SURF6: variants seen among roughly 807,000 people sequenced by gnomAD.
The protein encoded by SURF6 is surfeit 6.
In SURF6, 28 loss-of-function variants were observed where a neutral mutation model predicts 37.5. That is an observed-to-expected ratio of 0.75 (90% CI 0.55 to 1.02). SURF6 has a LOEUF of 1.02. Among genes scored for constraint, SURF6 ranks in the 50% least tolerant of loss-of-function variants. The pLI is 0.00. For synonymous variants in SURF6, 248 were observed against 210.9 expected (o/e 1.18, Z -1.52); for missense variants, 560 against 490.5 (o/e 1.14, Z -1.34).
intron 1 of SURF6, 24 bp downstream of exon 1, chr9:133,336,015 T>TCCCGG: frequency 6.2e-7 from 1 of 1,604,342 alleles, no homozygotes. Context: ...GGCCCCTTAG[T>TCCCGG]CCCGGCCCGG....
In SURF6 at chr9:133,336,177, C is replaced by T. The variant is rs2129935026; in HGVS notation, c.-45G>A. The T allele has an allele frequency of 8.4e-6, 13 of 1,539,604 alleles. No homozygotes were observed. The highest frequency in any genetic ancestry group is 2.3e-5 in the East Asian group (1 of 43,130). On this transcript the variant is annotated 5_prime_UTR_variant, in exon 1 of 5. Coordinates refer to ENST00000372022, the MANE Select transcript of SURF6 (RefSeq NM_006753.6). Reference sequence around the variant, plus strand: ...CACGACTCACACCTTCCCCGCTGCGCGTGCGACTCTCACCACCTCCGCCGG... The same window carrying T: ...CACGACTCACACCTTCCCCGCTGCGTGTGCGACTCTCACCACCTCCGCCGG...
At chr9:133,335,504 G>A (rs1256314226) in intron 1 of SURF6, among the ~76,000 whole-genome samples, 1 of 152,034 alleles carries the variant, frequency 6.6e-6, no homozygotes, top group Non-Finnish European at 1.5e-5. Flanking sequence ...CCTGGGCCCA[G>A]ACAGCACTGA....
At position 133,332,258 on chromosome 9, in the gene SURF6, C is replaced by T. The variant is rs2129916876; in HGVS notation, c.697G>A (p.Gly233Arg). Residue 233 changes from glycine (G) to arginine (R), a missense_variant, in exon 5 of 5, where the codon GGG (glycine) becomes AGG (arginine). Gly to Arg is a moderately radical substitution (Grantham distance 125). Transcript: ENST00000372022. ...RVKGNLTPLT[G>R]RNYRQLLERL... ...TCCAGCAGCTGCCGGTAGTTCCTCC[C>T]GGTCAGCGGCGTGAGGTTCCCCTTC... is the stretch of plus-strand genomic sequence containing the variant. The T allele has an allele frequency of 1.9e-6, 3 of 1,603,632 alleles. No homozygotes were observed. Among genetic ancestry groups the T allele is most frequent in the East Asian group, 4.5e-5 (2 of 44,862 alleles).
Position 133,336,054 on chromosome 9 carries a change from G to A in SURF6, c.79C>T (p.Gln27Ter). 6.2e-7 allele frequency: 1 copy of A among 1,611,772 alleles called. No individual in the cohort carries two copies. The highest frequency in any genetic ancestry group is 8.5e-7 in the Non-Finnish European group (1 of 1,179,782). The change falls in exon 1 of 5, where the codon CAG becomes TAG. Residue 27 changes from glutamine to a stop codon, truncating the protein, a stop_gained. Coordinates refer to ENST00000372022, the MANE Select transcript of SURF6 (RefSeq NM_006753.6). LOFTEE classifies it high-confidence loss of function. ...TGTGCGTTACCCCGCGTGCGCGCCT[G>A]CTGTTCCGGGGCCGAATGGGAGCAG... ...KICSHSAPEQ[Q>*]ARTRAGKTQG...
At chr9:133,333,935 AC>A (rs1835810748) in intron 2 of SURF6, 129 bp from the exon 3 acceptor site, 1 of 728,840 alleles carries the variant, frequency 1.4e-6, no homozygotes. Flanking sequence ...ATTCCACTCC[AC>A]CGCTTCAACC....
intron 3 of SURF6, among the ~76,000 whole-genome samples, chr9:133,333,204 A>G (rs1045425751): frequency 6.6e-6 from 1 of 151,926 alleles, no homozygotes; most frequent in East Asian, 1.9e-4. Context: ...CCCAAACGAG[A>G]CCTGTGCTTC....
rs2129915861 is a variant in SURF6 at position 133,332,173 on chromosome 9, G to A, written c.782C>T (p.Ala261Val). 1.9e-6 allele frequency: 3 copies of A among 1,610,258 alleles called. No individual in the cohort carries two copies. The highest frequency in any genetic ancestry group is 2.2e-5 in the East Asian group (1 of 44,866). The change falls in exon 5 of 5, where the codon GCG (alanine) becomes GTG (valine). Residue 261 changes from alanine to valine, a missense_variant. Ala to Val is a moderately conservative substitution (Grantham distance 64). Transcript: ENST00000372022. Reference sequence around the variant, plus strand: ...CTTCATCTTCGCCTCCAGCTCCTGCGCCTTCCCCTCATCCTGGCCGCGCAG... The same window carrying A: ...CTTCATCTTCGCCTCCAGCTCCTGCACCTTCCCCTCATCCTGGCCGCGCAG... ...DELRGQDEGK[A>V]QELEAKMKWT...
At chr9:133,335,709 CAAA>C (rs11341720) in intron 1 of SURF6, among the ~76,000 whole-genome samples, 8 of 132,096 alleles carry the variant, frequency 6.1e-5, no homozygotes, top group Non-Finnish European at 6.4e-5. Context: ...ACTAAAAATG[CAAA>C]AAAAAAAAAA....
chr9:133,333,915 A>G (rs1412475757), intron 2 of SURF6, 109 bp from the exon 3 acceptor site: 1 of 825,824 alleles, frequency 1.2e-6, no homozygotes, highest in Non-Finnish European at 2.0e-6. Flanking sequence ...CTGCAGGGCA[A>G]TTCCAGTAAA....
Position 133,332,733 on chromosome 9 carries a change from C to A in SURF6, c.421G>T (p.Ala141Ser), listed in dbSNP as rs148876625. 1 of 1,611,238 alleles carries A rather than the reference C, an allele frequency of 6.2e-7. No individual in the cohort carries two copies. Among genetic ancestry groups the A allele is most frequent in the African/African-American group, 1.3e-5 (1 of 74,914 alleles). Residue 141 changes from alanine (A) to serine (S), a missense_variant, in exon 4 of 5, where the codon GCC (alanine) becomes TCC (serine). Ala to Ser is a moderately conservative substitution (Grantham distance 99). Transcript: ENST00000372022. ...QGSAKELSPA[A>S]LEKRRRRKQE... ...TTTCTCCGCCGCCTTTTCTCCAAGG[C>A]GGCAGGGGACAGCTCCTTGGCACTG...
intron 1 of SURF6, among the ~76,000 whole-genome samples, chr9:133,335,753 G>A (rs1835856816): frequency 6.6e-6 from 1 of 151,770 alleles, no homozygotes; most frequent in Admixed American, 6.6e-5. Flanking sequence ...GCGGGCGCCT[G>A]TAGTGCCGGC....
chr9:133,328,976 T>C lies in SURF6; in HGVS notation c.*2893A>G, dbSNP rs2129900940. ...ACTACCAATGCTCGGAGACCGGTAG[T>C]GGCCCCGAATGTCTGGCTGCATTGT... is the stretch of plus-strand genomic sequence containing the variant. On this transcript the variant is annotated 3_prime_UTR_variant, in exon 5 of 5. Transcript: ENST00000372022. 7 of 154,714 alleles carry C rather than the reference T, an allele frequency of 4.5e-5. No individual in the cohort carries two copies. In the South Asian group the frequency reaches 7.1e-4, roughly 16 times the overall value. The allele number at this position is 154,714 out of a possible 1,614,324, so 9.6% of individuals were successfully genotyped here.
chr9:133,331,825 G>C lies in SURF6; in HGVS notation c.*44C>G. ...GCGTCAAGGACTCAGAGGGTGTCCT[G>C]GAGTCTCCTAGGACGGAAGACGGCG... On this transcript the variant is annotated 3_prime_UTR_variant, in exon 5 of 5. Transcript: ENST00000372022. 6.7e-7 allele frequency: 1 copy of C among 1,488,644 alleles called. No individual in the cohort carries two copies. Among genetic ancestry groups the C allele is most frequent in the Non-Finnish European group, 8.9e-7 (1 of 1,129,412 alleles). The allele number at this position is 1,488,644 out of a possible 1,614,324, so 92.2% of individuals were successfully genotyped here.
At position 133,336,174 on chromosome 9, in the gene SURF6, G is replaced by C. The variant is rs2129934976; in HGVS notation, c.-42C>G. The C allele has an allele frequency of 6.4e-7, 1 of 1,553,326 alleles. No homozygotes were observed. The highest frequency in any genetic ancestry group is 1.5e-5 in the African/African-American group (1 of 68,794). On this transcript the variant is annotated 5_prime_UTR_variant, in exon 1 of 5. Coordinates refer to ENST00000372022, the MANE Select transcript of SURF6 (RefSeq NM_006753.6). Reference sequence around the variant, plus strand: ...GTTCACGACTCACACCTTCCCCGCTGCGCGTGCGACTCTCACCACCTCCGC... The same window carrying C: ...GTTCACGACTCACACCTTCCCCGCTCCGCGTGCGACTCTCACCACCTCCGC...
At position 133,332,595 on chromosome 9, in the gene SURF6, C is replaced by G. The variant is rs2129919838; in HGVS notation, c.559G>C (p.Gly187Arg). 10 of 1,610,140 alleles carry G rather than the reference C, an allele frequency of 6.2e-6. No homozygotes were observed. The highest frequency in any genetic ancestry group is 5.5e-5 in the South Asian group (5 of 91,096). Residue 187 changes from glycine to arginine, a missense_variant, in exon 4 of 5, where the codon GGG (glycine) becomes CGG (arginine). Gly to Arg is a moderately radical substitution (Grantham distance 125). Transcript: ENST00000372022. ...AQEVVEATPE[G>R]ACTEPREPPG... ...GGCTCCCGCGGCTCCGTGCAGGCCC[C>G]CTCTGGGGTTGCCTCCACCACCTCC...
intron 1 of SURF6, among the ~76,000 whole-genome samples, chr9:133,335,582 T>C (rs1197535674): frequency 2.0e-5 from 3 of 151,770 alleles, no homozygotes; most frequent in African/African-American, 7.3e-5. Flanking sequence ...CACCAGGCCA[T>C]GAGAACCCTA....
Position 133,334,385 on chromosome 9 carries a change from C to T in SURF6, c.304+7G>A. The T allele has an allele frequency of 6.2e-7, 1 of 1,609,106 alleles. No individual in the cohort carries two copies. Among genetic ancestry groups the T allele is most frequent in the Non-Finnish European group, 8.5e-7 (1 of 1,178,210 alleles). On this transcript the variant is annotated splice_region_variant and intron_variant, in intron 2 of 4. Transcript: ENST00000372022. Reference sequence around the variant, plus strand: ...GCACAGAACCAACATGCCCTGAAGCCTCTCACCTGCAGGGTTCCCTGCTGA... The same window carrying T: ...GCACAGAACCAACATGCCCTGAAGCTTCTCACCTGCAGGGTTCCCTGCTGA...
chr9:133,332,411 AC>A (rs1284345083), intron 4 of SURF6, 63 bp from the exon 5 acceptor site: 3 of 1,530,042 alleles, frequency 2.0e-6, no homozygotes, highest in Non-Finnish European at 2.6e-6. Context: ...CTTGGCCAGT[AC>A]CCTAAGGGAC....
In SURF6 at chr9:133,336,080, A is replaced by G. The variant is rs2129933892; in HGVS notation, c.53T>C (p.Ile18Thr). The change falls in exon 1 of 5, where the codon ATC (isoleucine) becomes ACC (threonine). Residue 18 changes from isoleucine (I) to threonine (T), a missense_variant. Transcript: ENST00000372022. Reference sequence around the variant, plus strand: ...CTGTTCCGGGGCCGAATGGGAGCAGATCTTCTTGGCCAGGCTCTGCAGGTA... The same window carrying G: ...CTGTTCCGGGGCCGAATGGGAGCAGGTCTTCTTGGCCAGGCTCTGCAGGTA... Reference protein sequence around the residue: ...DAYLQSLAKKICSHSAPEQQA... With the variant: ...DAYLQSLAKKTCSHSAPEQQA... 1 of 1,612,876 alleles carries G rather than the reference A, an allele frequency of 6.2e-7. No individual in the cohort carries two copies. The highest frequency in any genetic ancestry group is 1.7e-5 in the Admixed American group (1 of 60,010).
Sources: gnomAD v4.1 joint callset for allele counts (sites outside exome capture counted in the v4.1 genomes callset) on GRCh38, gnomAD v4.1.1 for gene constraint, MANE v1.5 for transcripts, NCBI Gene and HGNC (gene_info 2026-07-23, HGNC 2026-07-21) for gene names.